The following ANAPC15 variants were observed in gnomAD, a reference collection of about 807,000 sequenced individuals.
ANAPC15 encodes anaphase promoting complex subunit 15.
ANAPC15 carries 13 observed loss-of-function variants against 19.8 expected under a neutral mutation model. That is an observed-to-expected ratio of 0.66 (90% confidence interval 0.43 to 1.04). The LOEUF (loss-of-function observed/expected upper bound fraction) is 1.04, where lower values mean the gene tolerates loss of function less well. Among genes scored for constraint, ANAPC15 ranks in the 50% least tolerant of loss-of-function variants. The pLI, the probability that ANAPC15 is intolerant of heterozygous loss-of-function variation, is 0.00. For synonymous variants in ANAPC15, 45 were observed against 50.7 expected (o/e 0.89, Z 0.47); for missense variants, 88 against 150.3 (o/e 0.59, Z 2.17).
downstream of ANAPC15, chr11:72,108,555 G>A (rs567979134): frequency 3.5e-5 from 49 of 1,416,560 alleles, 1 homozygote; most frequent in South Asian, 6.5e-4. Context: ...GGTCTTGACT[G>A]GGAGAACAAT....
chr11:72,108,101 C>T (rs369940242), downstream of ANAPC15: 68 of 1,525,592 alleles, frequency 4.5e-5, no homozygotes, highest in Non-Finnish European at 5.9e-5. Context: ...TCCGCCTGGC[C>T]GGCTTTGATG....
At chr11:72,108,556 GGAGA>G, downstream of ANAPC15, 1 of 1,418,832 alleles carries the variant, frequency 7.0e-7, no homozygotes, top group Non-Finnish European at 9.3e-7. Context: ...GTCTTGACTG[GGAGA>G]ACAATTCCCC....
chr11:72,108,093 C>G (rs562245343), downstream of ANAPC15: 2 of 1,530,936 alleles, frequency 1.3e-6, no homozygotes, highest in Admixed American at 4.0e-5. Context: ...AAAACTCATC[C>G]GCCTGGCCGG....
downstream of ANAPC15, chr11:72,109,514 C>G: frequency 1.3e-5 from 5 of 393,492 alleles, no homozygotes. Flanking sequence ...CCCTTGAGTG[C>G]CCTCTTCCTA....
At chr11:72,108,064 G>A (rs531803621), downstream of ANAPC15, 20 of 1,546,062 alleles carry the variant, frequency 1.3e-5, no homozygotes, top group Middle Eastern at 1.7e-4. Context: ...CGGGACCCAC[G>A]CACGGCAGCA....
At chr11:72,111,128 T>C in intron 3 of ANAPC15, 29 bp downstream of exon 3, 1 of 1,444,720 alleles carries the variant, frequency 6.9e-7, no homozygotes. Context: ...TGTGCTGAGG[T>C]CTCTGTGCTG....
At chr11:72,110,808 T>C (rs1297738787) in intron 3 of ANAPC15, 1 of 601,402 alleles carries the variant, frequency 1.7e-6, no homozygotes, top group African/African-American at 1.9e-5. Context: ...CCTTCTTTTT[T>C]TTGTATAATT....
downstream of ANAPC15, chr11:72,108,900 A>G: frequency 6.5e-7 from 1 of 1,547,294 alleles, no homozygotes; most frequent in Non-Finnish European, 8.7e-7. Flanking sequence ...GGAATAGCTC[A>G]GCTCACCTAT....
At chr11:72,111,372 C>G in intron 2 of ANAPC15, 40 bp downstream of exon 2, 1 of 1,075,290 alleles carries the variant, frequency 9.3e-7, no homozygotes. Flanking sequence ...GGGTGGAAGA[C>G]AGCAGGAAAG....
chr11:72,108,805 C>T (rs933205686), downstream of ANAPC15: 9 of 1,550,538 alleles, frequency 5.8e-6, no homozygotes, highest in African/African-American at 1.2e-4. Context: ...GTGCACCCCG[C>T]TTCTTGCAGT....
intron 2 of ANAPC15, 54 bp from the exon 3 acceptor site, chr11:72,111,340 G>A (rs1194046178): frequency 7.1e-7 from 1 of 1,405,326 alleles, no homozygotes; most frequent in African/African-American, 1.4e-5. Context: ...TTTTAATTTG[G>A]TTGTAATTTG....
In ANAPC15 at chr11:72,111,431, C is replaced by A; in HGVS notation, c.-30G>T. 1.6e-6 allele frequency: 1 copy of A among 629,280 alleles called. No homozygotes were observed. Among genetic ancestry groups the A allele is most frequent in the Non-Finnish European group, 2.9e-6 (1 of 350,818 alleles). 39.0% of individuals were successfully genotyped at this position (629,280 alleles called of 1,614,324 possible). Reference sequence around the variant, plus strand: ...ACAGACCTGGCTTTGAGTCCTGGCTCCACCACTTACTAGCTGTTTGACCTT... The same window carrying A: ...ACAGACCTGGCTTTGAGTCCTGGCTACACCACTTACTAGCTGTTTGACCTT... On this transcript the variant is annotated 5_prime_UTR_variant, in exon 2 of 6. Coordinates refer to ENST00000227618, the MANE Select transcript of ANAPC15 (RefSeq NM_014042.3).
Position 72,109,643 on chromosome 11 carries a change from G to C in ANAPC15, c.*238C>G. 1.7e-6 allele frequency: 1 copy of C among 601,778 alleles called. No individual in the cohort carries two copies. The highest frequency in any genetic ancestry group is 3.0e-6 in the Non-Finnish European group (1 of 337,750). The allele number at this position is 601,778 out of a possible 1,614,324, so 37.3% of individuals were successfully genotyped here. A position where few individuals can be genotyped will look rare whatever the true frequency, so the allele number is the denominator to read the frequency against. ...AACTTAGACCAGACCTGGCAATCAA[G>C]GGGTGAGGTACTGGCCAGGAAGGTG... On this transcript the variant is annotated 3_prime_UTR_variant, in exon 6 of 6. Coordinates refer to ENST00000227618, the MANE Select transcript of ANAPC15 (RefSeq NM_014042.3).
At chr11:72,108,645 G>A, downstream of ANAPC15, 1 of 1,505,396 alleles carries the variant, frequency 6.6e-7, no homozygotes, top group Middle Eastern at 1.7e-4. Flanking sequence ...GTGATCCCGT[G>A]CCTACGCACC....
chr11:72,106,474 G>T, downstream of ANAPC15: 1 of 371,246 alleles, frequency 2.7e-6, no homozygotes, highest in East Asian at 4.2e-5. Flanking sequence ...ACAAATGCTG[G>T]CCTCAAAGGA....
chr11:72,108,572 C>G (rs901723602), downstream of ANAPC15: 7 of 1,435,148 alleles, frequency 4.9e-6, no homozygotes, highest in Non-Finnish European at 6.4e-6. Flanking sequence ...CAATTCCCCC[C>G]ACCCTCACCT....
chr11:72,111,376 A>G, intron 2 of ANAPC15, 36 bp downstream of exon 2: 1 of 994,786 alleles, frequency 1.0e-6, no homozygotes, highest in East Asian at 2.5e-5. Context: ...GGAAGACAGC[A>G]GGAAAGCAGC....
At chr11:72,108,283 C>T (rs971387816), downstream of ANAPC15, among the ~76,000 whole-genome samples, 5 of 152,200 alleles carry the variant, frequency 3.3e-5, no homozygotes, top group Admixed American at 1.3e-4. Context: ...AAGTCATCTG[C>T]ACATTATTTT....
At chr11:72,107,929 T>G (rs1945855771), downstream of ANAPC15, 1 of 1,551,666 alleles carries the variant, frequency 6.4e-7, no homozygotes, top group Admixed American at 2.0e-5. Context: ...ATAGGTCAGA[T>G]CCTGATGCGG....
Sources: gnomAD v4.1 joint callset for allele counts (sites outside exome capture counted in the v4.1 genomes callset) on GRCh38, gnomAD v4.1.1 for gene constraint, MANE v1.5 for transcripts, NCBI Gene and HGNC (gene_info 2026-07-23, HGNC 2026-07-21) for gene names.